The following DDAH1 variants were observed in gnomAD, a reference collection of about 807,000 sequenced individuals.
The protein encoded by DDAH1 is N(G),N(G)-dimethylarginine dimethylaminohydrolase 1.
DDAH1 carries 19 observed loss-of-function variants against 28.8 expected under a neutral mutation model. That is an observed-to-expected ratio of 0.66 (90% CI 0.46 to 0.97). The LOEUF (loss-of-function observed/expected upper bound fraction) is 0.97. DDAH1 is among the 50% of genes least tolerant of loss of function. The probability of loss-of-function intolerance (pLI) is 0.00; values close to 1 mark genes in which losing one functional copy is unlikely to be tolerated. For synonymous variants in DDAH1, 153 were observed against 154.4 expected (o/e 0.99, Z 0.07); for missense variants, 326 against 375.9 (o/e 0.87, Z 1.10).
At chr1:85,355,638 C>T (rs1557513058) in intron 2 of DDAH1, among the ~76,000 whole-genome samples, 2 of 152,172 alleles carry the variant, frequency 1.3e-5, no homozygotes, top group Admixed American at 6.6e-5. Context: ...ACCTGAAATT[C>T]ATTTCCAGGT....
chr1:85,442,634 T>C (rs374736014), intron 1 of DDAH1, among the ~76,000 whole-genome samples: 8 of 152,158 alleles, frequency 5.3e-5, no homozygotes, highest in Non-Finnish European at 7.3e-5. Context: ...AACTAGTTTA[T>C]AGTCCCACCA....
intron 1 of DDAH1, among the ~76,000 whole-genome samples, chr1:85,364,423 A>G (rs775030224): frequency 3.3e-5 from 5 of 152,210 alleles, no homozygotes; most frequent in Non-Finnish European, 7.3e-5. Context: ...TATGAACAGA[A>G]TATATAAACC....
chr1:85,480,713 C>G (rs1655979588), intron 2 of DDAH1, among the ~76,000 whole-genome samples: 2 of 151,962 alleles, frequency 1.3e-5, no homozygotes, highest in South Asian at 2.1e-4. Context: ...CACAGCACTC[C>G]AACCTGGGCG....
In DDAH1 at chr1:85,382,083, C is replaced by G. The variant is rs540188837; in HGVS notation, c.304-23236G>C. Among the ~76,000 whole-genome samples, 5 of 152,234 alleles carry G rather than the reference C, an allele frequency of 3.3e-5. No homozygotes were observed. In the South Asian group the frequency reaches 1.0e-3, roughly 32 times the overall value. ...AAATCAGAAGCTAGAAATTATGAAG[C>G]TTAGTGAGGAAGGTATGTTAAAAGC... On this transcript the variant is annotated intron_variant, in intron 1 of 5. Transcript: ENST00000284031.
chr1:85,408,932 G>A (rs1251417546), intron 1 of DDAH1, among the ~76,000 whole-genome samples: 3 of 152,046 alleles, frequency 2.0e-5, no homozygotes, highest in African/African-American at 4.8e-5. Context: ...GAACACACAC[G>A]GTTCCTGCCC....
At chr1:85,483,677 C>A (rs1570597069) in intron 2 of DDAH1, among the ~76,000 whole-genome samples, 1 of 152,142 alleles carries the variant, frequency 6.6e-6, no homozygotes, top group South Asian at 2.1e-4. Flanking sequence ...TTTTGGCCAC[C>A]AAATTTTGTT....
At chr1:85,354,745 G>A (rs1649400933) in intron 2 of DDAH1, among the ~76,000 whole-genome samples, 1 of 151,786 alleles carries the variant, frequency 6.6e-6, no homozygotes, top group Non-Finnish European at 1.5e-5. Context: ...AAAACTAAAT[G>A]ATAACAAAAA....
intron 1 of DDAH1, among the ~76,000 whole-genome samples, chr1:85,463,567 A>T (rs1204017169): frequency 6.6e-6 from 1 of 152,222 alleles, no homozygotes; most frequent in Non-Finnish European, 1.5e-5. Context: ...CTGTTAATGG[A>T]GGGTGAAATA....
chr1:85,573,352 G>T (rs921041513), intron 1 of DDAH1, among the ~76,000 whole-genome samples: 1 of 152,190 alleles, frequency 6.6e-6, no homozygotes, highest in African/African-American at 2.4e-5. Context: ...AATAAAACAC[G>T]AAAGGCAGAG....
At chr1:85,490,049 A>G (rs1656335947) in intron 2 of DDAH1, among the ~76,000 whole-genome samples, 1 of 152,144 alleles carries the variant, frequency 6.6e-6, no homozygotes, top group African/African-American at 2.4e-5. Flanking sequence ...TAAGTGGAGA[A>G]AGATGCAATG....
At chr1:85,529,743 C>T (rs1401241122) in intron 1 of DDAH1, among the ~76,000 whole-genome samples, 2 of 147,402 alleles carry the variant, frequency 1.4e-5, no homozygotes, top group African/African-American at 2.5e-5. Context: ...TTCGATGTTG[C>T]GTCCCTACCC....
chr1:85,387,907 G>T (rs573073398), intron 1 of DDAH1, among the ~76,000 whole-genome samples: 1 of 152,304 alleles, frequency 6.6e-6, no homozygotes, highest in Non-Finnish European at 1.5e-5. Context: ...TGGCAGAAGG[G>T]AAAGAGGAGT....
intron 1 of DDAH1, among the ~76,000 whole-genome samples, chr1:85,456,518 TGA>T (rs1654888059): frequency 1.3e-5 from 2 of 152,344 alleles, no homozygotes; most frequent in South Asian, 4.1e-4. Flanking sequence ...ATAAATTACA[TGA>T]GATATTCAAT....
At chr1:85,445,274 G>A (rs1444696471) in intron 1 of DDAH1, among the ~76,000 whole-genome samples, 1 of 152,162 alleles carries the variant, frequency 6.6e-6, no homozygotes, top group Non-Finnish European at 1.5e-5. Flanking sequence ...AGGGGGACAT[G>A]ATAGCTCTAG....
Position 85,320,864 on chromosome 1 carries a change from AGAG to A in DDAH1, c.*585_*587del, listed in dbSNP as rs1036187694. 1.7e-4 allele frequency: 26 copies of A among 152,402 alleles called. 1 individual carries two copies. The highest frequency in any genetic ancestry group is 6.3e-4 in the African/African-American group (26 of 41,424). The allele number at this position is 152,402 out of a possible 1,614,324, so 9.4% of individuals were successfully genotyped here. On this transcript the variant is annotated 3_prime_UTR_variant, in exon 6 of 6. Transcript: ENST00000284031. ...GTTGGTGGCAGATGTAGTCAGAGGC[AGAG>A]GAGACCAATGGCAGACAGGGTGGAC...
chr1:85,403,265 A>G (rs747618245), intron 1 of DDAH1, among the ~76,000 whole-genome samples: 9 of 151,942 alleles, frequency 5.9e-5, no homozygotes, highest in Non-Finnish European at 1.2e-4. Flanking sequence ...ATGCATGTAC[A>G]CATATATACA....
chr1:85,359,701 C>CTT (rs767839501), intron 1 of DDAH1, among the ~76,000 whole-genome samples: 1 of 152,172 alleles, frequency 6.6e-6, no homozygotes, highest in Non-Finnish European at 1.5e-5. Flanking sequence ...GATTACCCAT[C>CTT]TTTTAAAACC....
chr1:85,406,790 A>C (rs923148098), intron 1 of DDAH1, among the ~76,000 whole-genome samples: 7 of 152,128 alleles, frequency 4.6e-5, no homozygotes, highest in African/African-American at 9.6e-5. Context: ...AACATTCATA[A>C]AGGGCAAGCT....
At chr1:85,339,211 T>C (rs1216788223) in intron 4 of DDAH1, among the ~76,000 whole-genome samples, 2 of 152,130 alleles carry the variant, frequency 1.3e-5, no homozygotes, top group Non-Finnish European at 2.9e-5. Context: ...ACAAAAACTC[T>C]AATAGATTCA....
Sources: allele counts gnomAD v4.1 joint callset (sites outside exome capture counted in the v4.1 genomes callset), GRCh38; gene constraint gnomAD v4.1.1; transcripts MANE v1.5; gene names NCBI Gene and HGNC (gene_info 2026-07-23, HGNC 2026-07-21).